The following SPEN variants were observed in gnomAD, a reference collection of about 807,000 sequenced individuals.
SPEN encodes msx2-interacting protein.
SPEN carries 18 observed loss-of-function variants against 269.9 expected under a neutral mutation model. That is an observed-to-expected ratio of 0.07 (90% CI 0.05 to 0.10). The LOEUF (loss-of-function observed/expected upper bound fraction) is 0.10. SPEN is among the 10% of genes least tolerant of loss of function. SPEN has a pLI of 1.00. For synonymous variants in SPEN, 1,726 were observed against 1,765.7 expected (o/e 0.98, Z 0.56); for missense variants, 3,822 against 4,631.2 (o/e 0.83, Z 5.07).
Position 15,933,663 on chromosome 1 carries a change from G to T in SPEN, c.7423G>T (p.Val2475Leu). The T allele has an allele frequency of 6.2e-7, 1 of 1,614,100 alleles. No individual in the cohort carries two copies. Among genetic ancestry groups the T allele is most frequent in the Non-Finnish European group, 8.5e-7 (1 of 1,180,010 alleles). The change falls in exon 11 of 15, where the codon GTA (valine) becomes TTA (leucine). Residue 2475 changes from valine (V) to leucine (L), a missense_variant. This residue lies in a region of SPEN where 727 missense variants were observed against 737.9 expected (regional missense o/e 0.99). Coordinates refer to ENST00000375759, the MANE Select transcript of SPEN (RefSeq NM_015001.3). The surrounding 1 kb of genome is among the most constrained non-coding windows in gnomAD (Gnocchi z 5.7). Reference sequence around the variant, plus strand: ...CATCCCCATACCCACACTGCCTTCTGTAACTGCAGCAAAGCTCTCACCTCC... The same window carrying T: ...CATCCCCATACCCACACTGCCTTCTTTAACTGCAGCAAAGCTCTCACCTCC... ...PSIPIPTLPS[V>L]TAAKLSPPVA...
At chr1:15,864,464 C>G (rs898735848) in intron 1 of SPEN, among the ~76,000 whole-genome samples, 1 of 137,704 alleles carries the variant, frequency 7.3e-6, no homozygotes, top group Non-Finnish European at 1.5e-5. Context: ...GCCTCTGTGC[C>G]GGCCGGTTTT....
intron 1 of SPEN, among the ~76,000 whole-genome samples, chr1:15,850,169 C>T (rs1295936166): frequency 6.6e-6 from 1 of 152,040 alleles, no homozygotes; most frequent in Admixed American, 6.6e-5. Flanking sequence ...TCAGCAGAGC[C>T]GATCTCAGAA....
chr1:15,897,974 A>G lies in SPEN; in HGVS notation c.882-11347A>G, dbSNP rs554102620. On this transcript the variant is annotated intron_variant, in intron 3 of 14. Coordinates refer to ENST00000375759, the MANE Select transcript of SPEN (RefSeq NM_015001.3). ...TGTAATAGTTGCACAGTCACCAGTT[A>G]GGTCTGACTCATTGCCCTGATGTCA... Among the ~76,000 whole-genome samples, 4 of 152,296 alleles carry G rather than the reference A, an allele frequency of 2.6e-5. No individual in the cohort carries two copies. In the East Asian group the frequency reaches 7.7e-4, roughly 29 times the overall value.
chr1:15,920,484 TTTG>T (rs1367410797), intron 8 of SPEN, among the ~76,000 whole-genome samples: 2 of 152,246 alleles, frequency 1.3e-5, no homozygotes, highest in South Asian at 2.1e-4. Context: ...ACAGAAATTC[TTTG>T]TTGTTCTTAA....
rs774734099 is a variant in SPEN at position 15,929,166 on chromosome 1, G to A, written c.2926G>A (p.Val976Met). 12 of 1,614,220 alleles carry A rather than the reference G, an allele frequency of 7.4e-6. No individual in the cohort carries two copies. Among genetic ancestry groups the A allele is most frequent in the Non-Finnish European group, 3.4e-6 (4 of 1,180,038 alleles). Residue 976 changes from valine (V) to methionine (M), a missense_variant, in exon 11 of 15, where the codon GTG (valine) becomes ATG (methionine). By Grantham distance (21) the Val-to-Met change is conservative. Around this residue, in one of 16 missense-constraint regions of SPEN, gnomAD observed 572 missense variants for 582.6 expected, o/e 0.98. Coordinates refer to ENST00000375759, the MANE Select transcript of SPEN (RefSeq NM_015001.3). This position sits in a 1 kb window ranked among gnomAD's most constrained non-coding sequence, Gnocchi z 5.8. Reference sequence around the variant, plus strand: ...GCAGCCTGCAGATGGGGTAAGTGCTGTGGATCTGGAGAAGCTGGAAGCCAG... The same window carrying A: ...GCAGCCTGCAGATGGGGTAAGTGCTATGGATCTGGAGAAGCTGGAAGCCAG... ...PEQPADGVSA[V>M]DLEKLEARKR...
At chr1:15,901,336 A>G (rs1450562544) in intron 3 of SPEN, among the ~76,000 whole-genome samples, 2 of 151,166 alleles carry the variant, frequency 1.3e-5, no homozygotes, top group African/African-American at 4.9e-5. Flanking sequence ...ATAAAAAAAT[A>G]AAAAATAAAA....
At chr1:15,881,248 T>A (rs187815664) in intron 3 of SPEN, among the ~76,000 whole-genome samples, 1 of 152,316 alleles carries the variant, frequency 6.6e-6, no homozygotes. Context: ...GGATTACAGG[T>A]GTGAGCCATC....
chr1:15,886,607 G>A (rs1223103347), intron 3 of SPEN, among the ~76,000 whole-genome samples: 2 of 152,138 alleles, frequency 1.3e-5, no homozygotes, highest in African/African-American at 2.4e-5. Flanking sequence ...ACTGCAAGCT[G>A]GTACAAACTC....
At chr1:15,861,652 G>A (rs923889726) in intron 1 of SPEN, among the ~76,000 whole-genome samples, 1 of 151,452 alleles carries the variant, frequency 6.6e-6, no homozygotes, top group African/African-American at 2.4e-5. Context: ...TTTTTTTTGT[G>A]GGGGGAGTAG....
rs936341022 is a variant in SPEN at position 15,847,963 on chromosome 1, A to C, written c.-105A>C. 5.3e-5 allele frequency: 32 copies of C among 600,216 alleles called. No homozygotes were observed. Among genetic ancestry groups the C allele is most frequent in the South Asian group, 1.6e-4 (2 of 12,498 alleles). The allele number at this position is 600,216 out of a possible 1,614,324, so 37.2% of individuals were successfully genotyped here. The stretch of plus-strand genomic sequence containing the variant: ...CCGCCGCTGCCGACGCCACCGCCGC[A>C]GCCGCCGCCGCCGCCGCCCCGGCAC... On this transcript the variant is annotated 5_prime_UTR_variant, in exon 1 of 15. Coordinates refer to ENST00000375759, the MANE Select transcript of SPEN (RefSeq NM_015001.3).
chr1:15,849,381 G>A (rs931908929), intron 1 of SPEN, among the ~76,000 whole-genome samples: 1 of 152,242 alleles, frequency 6.6e-6, no homozygotes, highest in Non-Finnish European at 1.5e-5. Flanking sequence ...AAGCAGCGGC[G>A]GCGGAGCTCC....
rs1263387333 is a variant in SPEN, at chr1:15,911,209, G to A, written c.1151G>A (p.Arg384Gln). Residue 384 changes from arginine (R) to glutamine (Q), a missense_variant, in exon 5 of 15, where the codon CGG (arginine) becomes CAG (glutamine). Coordinates refer to ENST00000375759, the MANE Select transcript of SPEN (RefSeq NM_015001.3). ...GAGAGGTATGGTCTGGTATTCTTTC[G>A]GCAGCAAGAGGACCAAGAAAAAGCC... ...SEERYGLVFF[R>Q]QQEDQEKALT... is the part of the protein sequence containing the mutation. 2 of 1,614,020 alleles carry A rather than the reference G, an allele frequency of 1.2e-6. No individual in the cohort carries two copies. The highest frequency in any genetic ancestry group is 1.7e-5 in the Admixed American group (1 of 60,000).
At chr1:15,896,777 G>A (rs1377629816) in intron 3 of SPEN, among the ~76,000 whole-genome samples, 1 of 152,058 alleles carries the variant, frequency 6.6e-6, no homozygotes, top group East Asian at 1.9e-4. Context: ...TACTAGCTTG[G>A]GCAACATAGT....
In SPEN at chr1:15,934,122, A is replaced by G; in HGVS notation, c.7882A>G (p.Ser2628Gly). ...ITSVISRMPV[S>G]IDLENSQKIT... ...CTCTGTTATTAGCCGGATGCCTGTCAGCATTGACCTGGAAAATTCACAGAA... is the reference window on the plus strand; with the variant it reads ...CTCTGTTATTAGCCGGATGCCTGTCGGCATTGACCTGGAAAATTCACAGAA... The change falls in exon 11 of 15, where the codon AGC becomes GGC. Residue 2628 changes from serine to glycine, a missense_variant. Physicochemically the swap from Ser to Gly is moderately conservative, Grantham distance 56 (BLOSUM62 0). This residue lies in a region of SPEN where 329 missense variants were observed against 431.2 expected (regional missense o/e 0.76). Coordinates refer to ENST00000375759, the MANE Select transcript of SPEN (RefSeq NM_015001.3). This position sits in a 1 kb window ranked among gnomAD's most constrained non-coding sequence, Gnocchi z 9.2. 1.2e-6 allele frequency: 2 copies of G among 1,613,956 alleles called. No individual in the cohort carries two copies. The highest frequency in any genetic ancestry group is 3.3e-4 in the Middle Eastern group (2 of 6,062).
intron 3 of SPEN, among the ~76,000 whole-genome samples, chr1:15,904,891 C>CTT (rs869308621): frequency 4.9e-5 from 7 of 144,268 alleles, no homozygotes; most frequent in Non-Finnish European, 7.6e-5. Context: ...TTGTCTCTCT[C>CTT]TTTTTTTTTT....
chr1:15,937,784 C>G lies in SPEN; in HGVS notation c.10510-28C>G, dbSNP rs543711067. On this transcript the variant is annotated intron_variant, in intron 12 of 14. Coordinates refer to ENST00000375759, the MANE Select transcript of SPEN (RefSeq NM_015001.3). This position sits in a 1 kb window ranked among gnomAD's most constrained non-coding sequence, Gnocchi z 5.7. ...ATGGCTCAGCGAGGGGCCATGAGCTCACTTCCTGTTTGTTTCCCTGTGAGC... is the reference window on the plus strand; with the variant it reads ...ATGGCTCAGCGAGGGGCCATGAGCTGACTTCCTGTTTGTTTCCCTGTGAGC... 4 of 1,612,964 alleles carry G rather than the reference C, an allele frequency of 2.5e-6. No homozygotes were observed. In the East Asian group the frequency reaches 6.7e-5, roughly 27 times the overall value.
intron 8 of SPEN, among the ~76,000 whole-genome samples, chr1:15,920,491 T>A (rs781260795): frequency 6.6e-5 from 10 of 152,252 alleles, no homozygotes; most frequent in Non-Finnish European, 1.5e-4. Flanking sequence ...TTCTTTGTTG[T>A]TCTTAATTTT....
chr1:15,852,624 G>A (rs1176748148), intron 1 of SPEN, among the ~76,000 whole-genome samples: 2 of 152,086 alleles, frequency 1.3e-5, no homozygotes, highest in Non-Finnish European at 2.9e-5. Context: ...AACTACCTTT[G>A]TTGCAGACTC....
rs35841965 is a variant in SPEN, at chr1:15,894,533, G to GT, written c.882-14786dup. 7.6e-4 allele frequency among the ~76,000 whole-genome samples: 104 copies of GT among 135,978 alleles called. 4 individuals carry two copies. The highest frequency in any genetic ancestry group is 3.0e-3 in the African/African-American group (102 of 33,658). 89.2% of individuals were successfully genotyped at this position (135,978 alleles called of 152,430 possible). ...TAGATCCTAAAACTACCATATTATG[G>GT]TTGTTTTTTTTTTTTTTTTTTTTTT... On this transcript the variant is annotated intron_variant, in intron 3 of 14. Transcript: ENST00000375759.
Sources: gnomAD v4.1 joint callset for allele counts (sites outside exome capture counted in the v4.1 genomes callset) on GRCh38, gnomAD v4.1.1 for gene constraint, gnomAD v4.1.1 regional missense constraint, Gnocchi (gnomAD v3.1) non-coding constraint, MANE v1.5 for transcripts, NCBI Gene and HGNC (gene_info 2026-07-23, HGNC 2026-07-21) for gene names.